Variants in ZFR2 observed in about 807,000 individuals in gnomAD.
ZFR2 encodes zinc finger RNA-binding protein 2.
In ZFR2, 104 loss-of-function variants were observed where a neutral mutation model predicts 105.7. The observed-to-expected ratio is 0.98, with a 90% CI of 0.84 to 1.16. ZFR2 has a LOEUF of 1.16. Among genes scored for constraint, ZFR2 ranks in the 50% most tolerant of loss-of-function variants. ZFR2 has a pLI of 0.00. For missense variants in ZFR2, 1,425 were observed against 1,355.5 expected (o/e 1.05, Z -0.80); for synonymous variants, 634 against 597.7 (o/e 1.06, Z -0.89).
chr19:3,841,853 C>T (rs1268471620), intron 1 of ZFR2, among the ~76,000 whole-genome samples: 3 of 151,748 alleles, frequency 2.0e-5, no homozygotes, highest in Non-Finnish European at 4.4e-5. Context: ...GTGTCACAAT[C>T]TTGGCTCACT....
At chr19:3,828,440 T>TGAGG (rs2037976487) in intron 5 of ZFR2, among the ~76,000 whole-genome samples, 2 of 152,126 alleles carry the variant, frequency 1.3e-5, no homozygotes, top group Admixed American at 1.3e-4. Context: ...CACACATTCC[T>TGAGG]TTTGGGGGCT....
At position 3,857,550 on chromosome 19, in the gene ZFR2, C is replaced by T. The variant is rs1375676560; in HGVS notation, c.53+11415G>A. Among the ~76,000 whole-genome samples, 29 of 148,044 alleles carry T rather than the reference C, an allele frequency of 2.0e-4. No individual in the cohort carries two copies. In the East Asian group the frequency reaches 4.6e-3, roughly 23 times the overall value. On this transcript the variant is annotated intron_variant, in intron 1 of 18. Transcript: ENST00000262961. ...TGTATACAAAAAAAAAAAAAAAAGCCGGGCATGGTGGTGCATGCCTGTAGT... is the reference window on the plus strand; with the variant it reads ...TGTATACAAAAAAAAAAAAAAAAGCTGGGCATGGTGGTGCATGCCTGTAGT...
At chr19:3,812,420 G>C (rs945382752) in intron 14 of ZFR2, among the ~76,000 whole-genome samples, 1 of 152,098 alleles carries the variant, frequency 6.6e-6, no homozygotes, top group Non-Finnish European at 1.5e-5. Flanking sequence ...CACCACGCTG[G>C]GCCTGGGGAG....
intron 16 of ZFR2, among the ~76,000 whole-genome samples, chr19:3,810,121 C>T (rs956009397): frequency 6.6e-6 from 1 of 151,974 alleles, no homozygotes; most frequent in Admixed American, 6.6e-5. Flanking sequence ...CACTCCAGCA[C>T]GGGATGGGGG....
At chr19:3,856,561 C>T (rs2038304203) in intron 1 of ZFR2, among the ~76,000 whole-genome samples, 1 of 152,116 alleles carries the variant, frequency 6.6e-6, no homozygotes, top group African/African-American at 2.4e-5. Context: ...ACATTCTCTC[C>T]ATCCCTCCCC....
chr19:3,864,174 G>A lies in ZFR2; in HGVS notation c.53+4791C>T, dbSNP rs147190004. Among the ~76,000 whole-genome samples, 21 of 152,120 alleles carry A rather than the reference G, an allele frequency of 1.4e-4. No homozygotes were observed. The East Asian group carries it at 1.5e-3, about 11-fold the overall frequency. ...GAAAGGCAGGAGATCTCTTGAGGCC[G>A]GTTCAAGACCAGCCTGGGCAAAATA... is the stretch of plus-strand genomic sequence containing the variant. On this transcript the variant is annotated intron_variant, in intron 1 of 18. Coordinates refer to ENST00000262961, the MANE Select transcript of ZFR2 (RefSeq NM_015174.2).
chr19:3,829,766 G>A (rs776564621), intron 5 of ZFR2, among the ~76,000 whole-genome samples: 6 of 151,998 alleles, frequency 3.9e-5, no homozygotes, highest in South Asian at 2.1e-4. Flanking sequence ...TACCGGCTTC[G>A]GCCTCCCAAG....
chr19:3,817,938 C>G (rs1346609585), intron 12 of ZFR2, among the ~76,000 whole-genome samples: 1 of 152,142 alleles, frequency 6.6e-6, no homozygotes, highest in East Asian at 1.9e-4. Context: ...GTGTGCGACC[C>G]CATTTCTATG....
At chr19:3,817,755 C>CAAAAAAAA (rs1314161355) in intron 12 of ZFR2, among the ~76,000 whole-genome samples, 1 of 64,354 alleles carries the variant, frequency 1.6e-5, no homozygotes. Context: ...GACTCAGTCT[C>CAAAAAAAA]AAAAAAGAAA....
At chr19:3,863,179 G>C (rs1353004315) in intron 1 of ZFR2, among the ~76,000 whole-genome samples, 1 of 152,246 alleles carries the variant, frequency 6.6e-6, no homozygotes, top group African/African-American at 2.4e-5. Flanking sequence ...GGTATGACCA[G>C]GTCGGTTCTG....
At chr19:3,806,185 A>G in intron 18 of ZFR2, 60 bp from the exon 19 acceptor site, 6 of 1,389,406 alleles carry the variant, frequency 4.3e-6, no homozygotes, top group Non-Finnish European at 5.6e-6. Flanking sequence ...AGTGCTGGGG[A>G]CACAGAGGGG....
intron 8 of ZFR2, among the ~76,000 whole-genome samples, chr19:3,822,525 G>A (rs2037907152): frequency 6.6e-6 from 1 of 151,892 alleles, no homozygotes; most frequent in Non-Finnish European, 1.5e-5. Flanking sequence ...GGTCAACATA[G>A]CGAGACCCCC....
chr19:3,854,614 G>A (rs2038277227), intron 1 of ZFR2, among the ~76,000 whole-genome samples: 1 of 152,278 alleles, frequency 6.6e-6, no homozygotes, highest in East Asian at 1.9e-4. Flanking sequence ...TGACATAGAT[G>A]ACACTAGATG....
In ZFR2 at chr19:3,807,318, GA is replaced by G. The variant is rs1189226523; in HGVS notation, c.2546-50del. 12 of 1,396,066 alleles carry G rather than the reference GA, an allele frequency of 8.6e-6. 1 individual carries two copies. The highest frequency in any genetic ancestry group is 1.4e-5 in the African/African-American group (1 of 70,094). The allele number at this position is 1,396,066 out of a possible 1,614,324, so 86.5% of individuals were successfully genotyped here. A position where few individuals can be genotyped will look rare whatever the true frequency, so the allele number is the denominator to read the frequency against. ...GCAAAGAAGGCGAGAATGCCCTCGT[GA>G]AAGACGGTGACAGGGCCGTCCCTCG... On this transcript the variant is annotated intron_variant, in intron 17 of 18. Coordinates refer to ENST00000262961, the MANE Select transcript of ZFR2 (RefSeq NM_015174.2).
At chr19:3,856,227 G>C (rs963877364) in intron 1 of ZFR2, among the ~76,000 whole-genome samples, 1 of 152,110 alleles carries the variant, frequency 6.6e-6, no homozygotes, top group South Asian at 2.1e-4. Flanking sequence ...AGGATGAAGG[G>C]GTTTTGGAGA....
At chr19:3,808,782 C>CT in intron 17 of ZFR2, 90 bp downstream of exon 17, 1 of 1,095,424 alleles carries the variant, frequency 9.1e-7, no homozygotes, top group East Asian at 2.8e-5. Context: ...TCCTCTGTGT[C>CT]TGTGACCCCA....
chr19:3,839,770 T>C (rs2038117446), intron 1 of ZFR2, among the ~76,000 whole-genome samples: 2 of 152,086 alleles, frequency 1.3e-5, no homozygotes, highest in African/African-American at 4.8e-5. Flanking sequence ...CTGGATCCTA[T>C]TCCTTTTTCT....
rs2240233 is a variant in ZFR2, at chr19:3,831,527, C to A, written c.628G>T (p.Val210Leu). The A allele has an allele frequency of 0.39, 608,719 of 1,558,950 alleles. 119,602 individuals carry two copies. The highest frequency in any genetic ancestry group is 0.46 in the East Asian group (19,012 of 41,682). Residue 210 changes from valine (V) to leucine (L), a missense_variant, in exon 5 of 19, where the codon GTG becomes TTG. Coordinates refer to ENST00000262961, the MANE Select transcript of ZFR2 (RefSeq NM_015174.2). Reference sequence around the variant, plus strand: ...TAGAAAGGGCTGGCAGCGGAGTACACCGACGCGTCATAGTTCGGGTAGCTT... The same window carrying A: ...TAGAAAGGGCTGGCAGCGGAGTACAACGACGCGTCATAGTTCGGGTAGCTT... ...APSYPNYDAS[V>L]YSAASPFYPP...
chr19:3,848,736 A>C (rs2038206951), intron 1 of ZFR2, among the ~76,000 whole-genome samples: 2 of 151,748 alleles, frequency 1.3e-5, no homozygotes, highest in Admixed American at 1.3e-4. Flanking sequence ...TCACGCCTGT[A>C]ATCCCAGCAC....
Sources: gnomAD v4.1 joint callset for allele counts (sites outside exome capture counted in the v4.1 genomes callset) on GRCh38, gnomAD v4.1.1 for gene constraint, MANE v1.5 for transcripts, NCBI Gene and HGNC (gene_info 2026-07-23, HGNC 2026-07-21) for gene names.